The following COPG1 variants were observed in gnomAD, a reference collection of about 807,000 sequenced individuals.
COPG1 encodes coat protein complex I subunit gamma 1, also known as coatomer subunit gamma-1.
COPG1 carries 29 observed loss-of-function variants against 102.8 expected under a neutral mutation model. The observed-to-expected ratio is 0.28, with a 90% CI of 0.21 to 0.38. The LOEUF (loss-of-function observed/expected upper bound fraction) is 0.38. Among genes scored for constraint, COPG1 ranks in the 10% least tolerant of loss-of-function variants. The pLI is 1.00. For synonymous variants in COPG1, 406 were observed against 421.6 expected (o/e 0.96, Z 0.45); for missense variants, 875 against 1,132.7 (o/e 0.77, Z 3.27).
At chr3:129,250,609 C>A in intron 1 of COPG1, 73 bp from the exon 2 acceptor site, 1 of 1,208,642 alleles carries the variant, frequency 8.3e-7, no homozygotes, top group Non-Finnish European at 1.2e-6. Context: ...GGGACATCTT[C>A]CCTTTACCTA....
At chr3:129,270,629 A>C (rs1014002183) in intron 18 of COPG1, among the ~76,000 whole-genome samples, 2 of 152,194 alleles carry the variant, frequency 1.3e-5, no homozygotes, top group Non-Finnish European at 2.9e-5. Context: ...TATTCATTAG[A>C]TTCAGTCTTC....
At chr3:129,262,714 C>T (rs1939949823) in intron 12 of COPG1, among the ~76,000 whole-genome samples, 1 of 140,860 alleles carries the variant, frequency 7.1e-6, no homozygotes, top group Non-Finnish European at 1.5e-5. Context: ...CAGAGTGAGA[C>T]CTTGTCTGAA....
In COPG1 at chr3:129,260,691, C is replaced by T. The variant is rs757955471; in HGVS notation, c.1012C>T (p.Arg338Cys). The T allele has an allele frequency of 7.4e-6, 12 of 1,613,870 alleles. No individual in the cohort carries two copies. The highest frequency in any genetic ancestry group is 1.1e-5 in the South Asian group (1 of 91,086). Reference protein sequence around the residue: ...DLENLVTDSNRSIATLAITTL... With the variant: ...DLENLVTDSNCSIATLAITTL... Reference sequence around the variant, plus strand: ...GGAGAACCTGGTCACAGATTCAAACCGCAGCATTGCCACGCTGGCCATCAC... The same window carrying T: ...GGAGAACCTGGTCACAGATTCAAACTGCAGCATTGCCACGCTGGCCATCAC... Residue 338 changes from arginine to cysteine, a missense_variant, in exon 12 of 24, where the codon CGC becomes TGC. Arg to Cys is a radical substitution (Grantham distance 180, BLOSUM62 -3). Coordinates refer to ENST00000314797, the MANE Select transcript of COPG1 (RefSeq NM_016128.4).
intron 8 of COPG1, 37 bp downstream of exon 8, chr3:129,256,191 CAGGCAGGTGGTA>C (rs760768595): frequency 1.3e-6 from 2 of 1,583,590 alleles, no homozygotes. Context: ...TTAAAACACT[CAGGCAGGTGGTA>C]AGGCACTGGC....
At chr3:129,267,290 A>C in intron 15 of COPG1, 191 bp downstream of exon 15, 1 of 467,042 alleles carries the variant, frequency 2.1e-6, no homozygotes, top group Non-Finnish European at 3.8e-6. Context: ...CAGATGTGAC[A>C]ATTGGTAACT....
intron 1 of COPG1, among the ~76,000 whole-genome samples, chr3:129,250,365 G>A (rs968168339): frequency 1.3e-5 from 2 of 152,190 alleles, no homozygotes; most frequent in African/African-American, 4.8e-5. Flanking sequence ...TAGTTACAAC[G>A]AGATGGTGGT....
intron 13 of COPG1, 109 bp downstream of exon 13, chr3:129,264,108 C>T (rs1940005122): frequency 1.1e-6 from 1 of 910,940 alleles, no homozygotes; most frequent in Non-Finnish European, 1.8e-6. Context: ...GCCTGTTAAC[C>T]AACTGGTTTT....
At chr3:129,273,588 A>T (rs1021239975) in intron 21 of COPG1, among the ~76,000 whole-genome samples, 1 of 152,214 alleles carries the variant, frequency 6.6e-6, no homozygotes, top group Non-Finnish European at 1.5e-5. Context: ...ATACTGTTAT[A>T]TACTATGTCA....
At chr3:129,276,940 C>T (rs191963764) in intron 23 of COPG1, among the ~76,000 whole-genome samples, 1 of 150,820 alleles carries the variant, frequency 6.6e-6, no homozygotes, top group East Asian at 2.0e-4. Flanking sequence ...TCTCCTGCTT[C>T]AGCCTCCCGA....
In COPG1 at chr3:129,260,602, C is replaced by A. The variant is rs374232037; in HGVS notation, c.940-17C>A. ...CATTGGGTTCCTGCCCTCTCTGTCA[C>A]TGTCCTCCCAAAACAGGTTGCCATG... On this transcript the variant is annotated splice_polypyrimidine_tract_variant and intron_variant, in intron 11 of 23. Transcript: ENST00000314797. 6.2e-7 allele frequency: 1 copy of A among 1,612,892 alleles called. No individual in the cohort carries two copies. Among genetic ancestry groups the A allele is most frequent in the African/African-American group, 1.3e-5 (1 of 75,034 alleles).
At chr3:129,264,137 T>G in intron 13 of COPG1, 138 bp downstream of exon 13, 1 of 707,164 alleles carries the variant, frequency 1.4e-6, no homozygotes, top group African/African-American at 1.7e-5. Context: ...CTGCAACCCT[T>G]TAAACTCCTT....
In COPG1 at chr3:129,275,414, A is replaced by C; in HGVS notation, c.2494+122A>C. ...AAAATTCACAGCATTTAAAATTCAC[A>C]AAGTATAAAATAATCTGCAGCGAAA... On this transcript the variant is annotated intron_variant, in intron 23 of 23. Transcript: ENST00000314797. This position sits in a 1 kb window ranked among gnomAD's most constrained non-coding sequence, Gnocchi z 5.0. 1 of 715,622 alleles carries C rather than the reference A, an allele frequency of 1.4e-6. No homozygotes were observed. The highest frequency in any genetic ancestry group is 2.3e-6 in the Non-Finnish European group (1 of 426,638). The allele number at this position is 715,622 out of a possible 1,614,324, so 44.3% of individuals were successfully genotyped here. A position where few individuals can be genotyped will look rare whatever the true frequency, so the allele number is the denominator to read the frequency against.
At chr3:129,262,575 T>C (rs895434384) in intron 12 of COPG1, among the ~76,000 whole-genome samples, 1 of 152,100 alleles carries the variant, frequency 6.6e-6, no homozygotes, top group East Asian at 1.9e-4. Flanking sequence ...TTTTAAAAAT[T>C]AGCCATGTGT....
Position 129,267,075 on chromosome 3 carries a change from C to G in COPG1, c.1520C>G (p.Pro507Arg), listed in dbSNP as rs748608226. 14 of 1,613,632 alleles carry G rather than the reference C, an allele frequency of 8.7e-6. No homozygotes were observed. The Admixed American group carries it at 2.2e-4, about 25-fold the overall frequency. Residue 507 changes from proline to arginine, a missense_variant, in exon 15 of 24, where the codon CCC becomes CGC. Transcript: ENST00000314797. ...KFGAQNEEMLPSILVLLKRCV... is the reference protein window; with the variant it reads ...KFGAQNEEMLRSILVLLKRCV... ...GGAGCCCAGAATGAAGAGATGTTAC[C>G]CAGTATCTTGGTGTTGCTGAAGAGG...
In COPG1 at chr3:129,263,978, G is replaced by C; in HGVS notation, c.1203G>C (p.Leu401=). 6.2e-7 allele frequency: 1 copy of C among 1,614,134 alleles called. No individual in the cohort carries two copies. Among genetic ancestry groups the C allele is most frequent in the Non-Finnish European group, 8.5e-7 (1 of 1,180,020 alleles). ...AACACGCCGTCCTTATGAACTTCCT[G>C]TTCACCATGCTGCGGGAAGAGGTAA... is the stretch of plus-strand genomic sequence containing the variant. The part of the protein sequence containing the change: ...PRKHAVLMNF[L]FTMLREEGGF... The change falls in exon 13 of 24, where the codon CTG becomes CTC. Residue 401 remains leucine, a synonymous_variant. Coordinates refer to ENST00000314797, the MANE Select transcript of COPG1 (RefSeq NM_016128.4).
intron 18 of COPG1, among the ~76,000 whole-genome samples, chr3:129,269,818 T>C (rs1940151456): frequency 6.6e-6 from 1 of 151,952 alleles, no homozygotes; most frequent in Non-Finnish European, 1.5e-5. Flanking sequence ...ACCACAAACT[T>C]AGTGGCTTAA....
At position 129,275,079 on chromosome 3, in the gene COPG1, C is replaced by T. The variant is rs1940240653; in HGVS notation, c.2395+103C>T. ...TCTCTCCAAGGATCCAGGGCCATGTCTGGAGCACATATGTCAAATGCCACT... is the reference window on the plus strand; with the variant it reads ...TCTCTCCAAGGATCCAGGGCCATGTTTGGAGCACATATGTCAAATGCCACT... On this transcript the variant is annotated intron_variant, in intron 22 of 23. Coordinates refer to ENST00000314797, the MANE Select transcript of COPG1 (RefSeq NM_016128.4). This position sits in a 1 kb window ranked among gnomAD's most constrained non-coding sequence, Gnocchi z 5.0. 4 of 1,512,092 alleles carry T rather than the reference C, an allele frequency of 2.6e-6. 1 individual carries two copies. The South Asian group carries it at 4.7e-5, about 18-fold the overall frequency. The allele number at this position is 1,512,092 out of a possible 1,614,324, so 93.7% of individuals were successfully genotyped here.
Position 129,274,990 on chromosome 3 carries a change from A to G in COPG1, c.2395+14A>G, listed in dbSNP as rs1205610483. On this transcript the variant is annotated intron_variant, in intron 22 of 23. Transcript: ENST00000314797. ...AGACACTTGAAGGTAAAATCCTGGGAATGCCATCTCTGGCCTAATTACTGT... is the reference window on the plus strand; with the variant it reads ...AGACACTTGAAGGTAAAATCCTGGGGATGCCATCTCTGGCCTAATTACTGT... 6.2e-7 allele frequency: 1 copy of G among 1,613,742 alleles called. No individual in the cohort carries two copies. The highest frequency in any genetic ancestry group is 1.3e-5 in the African/African-American group (1 of 74,908).
intron 10 of COPG1, 103 bp downstream of exon 10, chr3:129,257,963 G>A: frequency 6.9e-7 from 1 of 1,451,694 alleles, no homozygotes; most frequent in South Asian, 1.3e-5. Context: ...CTTAACAAGT[G>A]TTAAGGAGTC....
Sources: allele counts gnomAD v4.1 joint callset (sites outside exome capture counted in the v4.1 genomes callset), GRCh38; gene constraint gnomAD v4.1.1; non-coding constraint Gnocchi (gnomAD v3.1); transcripts MANE v1.5; gene names NCBI Gene and HGNC (gene_info 2026-07-23, HGNC 2026-07-21).